Variants in PRKDC observed in about 807,000 individuals in gnomAD.
PRKDC encodes the protein DNA-dependent protein kinase catalytic subunit.
Under a neutral mutation model 486.9 loss-of-function variants are expected in PRKDC, and 82 were observed. The ratio of observed to expected loss-of-function variants is 0.17; its 90% CI spans 0.14 to 0.20. The LOEUF is 0.20. Among genes scored for constraint, PRKDC ranks in the 10% least tolerant of loss-of-function variants. The pLI is 1.00. For synonymous variants in PRKDC, 1,895 were observed against 1,837.0 expected (o/e 1.03, Z -0.81); for missense variants, 4,504 against 5,038.2 (o/e 0.89, Z 3.21).
Position 47,934,013 on chromosome 8 carries a change from T to C in PRKDC, c.1575A>G (p.Lys525=). Residue 525 remains lysine (K), a synonymous_variant, in exon 15 of 86, where the codon AAA becomes AAG. Coordinates refer to ENST00000314191, the MANE Select transcript of PRKDC (RefSeq NM_006904.7). ...RTGKWKVPTY[K]DYVDLFRHLL... is the part of the protein sequence containing the mutation. Reference sequence around the variant, plus strand: ...GATGTCTGAAGAGATCCACGTAGTCTTTGTATGTGGGCACCTTCCATTTGC... The same window carrying C: ...GATGTCTGAAGAGATCCACGTAGTCCTTGTATGTGGGCACCTTCCATTTGC... The C allele has an allele frequency of 6.2e-7, 1 of 1,613,658 alleles. No homozygotes were observed. Among genetic ancestry groups the C allele is most frequent in the Non-Finnish European group, 8.5e-7 (1 of 1,179,808 alleles).
At chr8:47,877,951 T>C in intron 39 of PRKDC, 100 bp from the exon 40 acceptor site, 1 of 854,998 alleles carries the variant, frequency 1.2e-6, no homozygotes, top group Non-Finnish European at 1.6e-6. Context: ...TCTTATATAA[T>C]AAAAAATATA....
chr8:47,786,723 CTTTTTT>C (rs5891257), intron 76 of PRKDC, among the ~76,000 whole-genome samples: 14 of 88,252 alleles, frequency 1.6e-4, no homozygotes, highest in South Asian at 9.8e-4. Flanking sequence ...ATTATTTAAT[CTTTTTT>C]TTTTTTTTTT....
At chr8:47,958,000 G>A (rs2090736459) in intron 1 of PRKDC, among the ~76,000 whole-genome samples, 1 of 150,980 alleles carries the variant, frequency 6.6e-6, no homozygotes, top group Non-Finnish European at 1.5e-5. Flanking sequence ...AATGTATATA[G>A]CAAAAGGAAA....
intron 7 of PRKDC, among the ~76,000 whole-genome samples, chr8:47,951,658 G>A (rs779606504): frequency 2.4e-4 from 37 of 152,020 alleles, no homozygotes; most frequent in Non-Finnish European, 4.0e-4. Context: ...AGGGTGCAGT[G>A]AGCCATGTTT....
chr8:47,857,485 T>C (rs1267915395), intron 48 of PRKDC, among the ~76,000 whole-genome samples, 186 bp from the exon 49 acceptor site: 1 of 152,154 alleles, frequency 6.6e-6, no homozygotes, highest in Non-Finnish European at 1.5e-5. Context: ...GGTGTCCTTA[T>C]TAAAAGAGGA....
At chr8:47,935,991 T>G (rs1162962530) in intron 12 of PRKDC, 91 bp from the exon 13 acceptor site, 22 of 1,227,712 alleles carry the variant, frequency 1.8e-5, no homozygotes, top group Non-Finnish European at 2.2e-5. Flanking sequence ...ACAACTGAAT[T>G]AGATACTTAT....
rs556956020 is a variant in PRKDC at position 47,783,285 on chromosome 8, A to G, written c.11175+457T>C. ...AGAATGAGACTCTTGTCTCAAAAAA[A>G]AAAAAGAAAAAAAAAAAAAAAGCCC... On this transcript the variant is annotated intron_variant, in intron 78 of 85. Transcript: ENST00000314191. 4.8e-4 allele frequency among the ~76,000 whole-genome samples: 71 copies of G among 147,392 alleles called. 1 individual carries two copies. In the East Asian group the frequency reaches 5.3e-3, roughly 11 times the overall value.
At chr8:47,779,814 G>T (rs767898793) in intron 80 of PRKDC, among the ~76,000 whole-genome samples, 9 of 151,848 alleles carry the variant, frequency 5.9e-5, no homozygotes, top group Middle Eastern at 6.9e-3. Context: ...GGTCTCGAAT[G>T]CCTGACCTCG....
Position 47,857,306 on chromosome 8 carries a change from G to A in PRKDC, c.6466-7C>T, listed in dbSNP as rs2154500491. On this transcript the variant is annotated splice_region_variant and splice_polypyrimidine_tract_variant and intron_variant, in intron 48 of 85. Transcript: ENST00000314191. ...TCGCGTAAGGGCGAAAGACCTACAA[G>A]AGGATGTAAAAGTCAAACATCAAAG... is the stretch of plus-strand genomic sequence containing the variant. The A allele has an allele frequency of 3.7e-6, 6 of 1,601,142 alleles. No homozygotes were observed. In the East Asian group the frequency reaches 6.7e-5, roughly 18 times the overall value.
intron 56 of PRKDC, 24 bp from the exon 57 acceptor site, chr8:47,837,443 A>G (rs751004130): frequency 1.9e-6 from 3 of 1,544,862 alleles, no homozygotes; most frequent in Non-Finnish European, 2.7e-6. Flanking sequence ...AGAAAAAAGT[A>G]TATTGCTTAG....
Position 47,927,896 on chromosome 8 carries a change from CAAGA to C in PRKDC, c.2140-10_2140-7del. 5 of 1,550,924 alleles carry C rather than the reference CAAGA, an allele frequency of 3.2e-6. No homozygotes were observed. Among genetic ancestry groups the C allele is most frequent in the Non-Finnish European group, 4.3e-6 (5 of 1,151,926 alleles). On this transcript the variant is annotated splice_region_variant and splice_polypyrimidine_tract_variant and intron_variant, in intron 19 of 85. Transcript: ENST00000314191. ...TGCTTCATTTTAACTGCCACCTTAA[CAAGA>C]AAGAAGACAGTAATGTATATCTGAA...
intron 70 of PRKDC, among the ~76,000 whole-genome samples, chr8:47,802,479 CT>C (rs547957995): frequency 0.032 from 4,186 of 130,218 alleles, 121 homozygotes; most frequent in African/African-American, 0.099. Context: ...GAGGAAATGG[CT>C]TTTTTTTTTT....
intron 40 of PRKDC, among the ~76,000 whole-genome samples, chr8:47,867,562 T>A (rs1423935916): frequency 6.6e-6 from 1 of 152,216 alleles, no homozygotes; most frequent in Non-Finnish European, 1.5e-5. Flanking sequence ...TATGTAATCA[T>A]ACTGGTATTG....
At chr8:47,874,927 T>C (rs1362054766) in intron 40 of PRKDC, among the ~76,000 whole-genome samples, 1 of 152,066 alleles carries the variant, frequency 6.6e-6, no homozygotes. Flanking sequence ...TGGTGGTACA[T>C]GCCTGTAGTC....
At chr8:47,897,345 C>A in intron 29 of PRKDC, 51 bp from the exon 30 acceptor site, 1 of 1,483,466 alleles carries the variant, frequency 6.7e-7, no homozygotes, top group South Asian at 1.5e-5. Context: ...ATGCAACATT[C>A]AGCTACCAAG....
chr8:47,930,846 A>C, intron 16 of PRKDC, 59 bp from the exon 17 acceptor site: 1 of 1,467,242 alleles, frequency 6.8e-7, no homozygotes, highest in Non-Finnish European at 9.2e-7. Flanking sequence ...TCACTCAACA[A>C]ATAACTTTCC....
chr8:47,861,151 T>G (rs895933523), intron 44 of PRKDC, among the ~76,000 whole-genome samples, 180 bp from the exon 45 acceptor site: 6 of 152,324 alleles, frequency 3.9e-5, no homozygotes, highest in African/African-American at 1.4e-4. Context: ...AGGAAAGCCC[T>G]TCCTGCAGAT....
At chr8:47,931,790 C>A (rs1227718091) in intron 16 of PRKDC, among the ~76,000 whole-genome samples, 2 of 152,210 alleles carry the variant, frequency 1.3e-5, no homozygotes, top group Non-Finnish European at 2.9e-5. Flanking sequence ...AAGACACCTT[C>A]CCAGGATCTT....
intron 85 of PRKDC, among the ~76,000 whole-genome samples, chr8:47,776,544 T>A (rs1360690163): frequency 6.6e-6 from 1 of 152,220 alleles, no homozygotes; most frequent in Non-Finnish European, 1.5e-5. Context: ...TCCTCATGCA[T>A]GTAACAATAT....
Sources: allele counts gnomAD v4.1 joint callset (sites outside exome capture counted in the v4.1 genomes callset), GRCh38; gene constraint gnomAD v4.1.1; transcripts MANE v1.5; gene names NCBI Gene and HGNC (gene_info 2026-07-23, HGNC 2026-07-21).